Variants in TIAM1 observed in about 807,000 individuals in gnomAD.
The protein encoded by TIAM1 is rho guanine nucleotide exchange factor TIAM1.
TIAM1 carries 65 observed loss-of-function variants against 163.5 expected under a neutral mutation model. The ratio of observed to expected loss-of-function variants is 0.40; its 90% CI spans 0.33 to 0.49. The LOEUF (loss-of-function observed/expected upper bound fraction) is 0.49, where lower values mean the gene tolerates loss of function less well. Among genes scored for constraint, TIAM1 ranks in the 20% least tolerant of loss-of-function variants. The probability of loss-of-function intolerance (pLI) is 0.77; values close to 1 mark genes in which losing one functional copy is unlikely to be tolerated. For missense variants in TIAM1, 1,789 were observed against 2,044.7 expected, an observed-to-expected ratio of 0.87 and a Z score of 2.41; for synonymous variants, 833 against 810.1, an observed-to-expected ratio of 1.03 and a Z score of -0.48.
intron 16 of TIAM1, among the ~76,000 whole-genome samples, chr21:31,159,301 T>C (rs976853661): frequency 6.6e-6 from 1 of 152,100 alleles, no homozygotes; most frequent in Non-Finnish European, 1.5e-5. Context: ...TCAATGTTTA[T>C]AATGCTGCTT....
intron 2 of TIAM1, among the ~76,000 whole-genome samples, chr21:31,379,679 G>A (rs2076745371): frequency 6.6e-6 from 1 of 152,126 alleles, no homozygotes; most frequent in Non-Finnish European, 1.5e-5. Flanking sequence ...ATACAATAGA[G>A]TATTACACAG....
At chr21:31,387,848 A>G (rs73356870) in intron 2 of TIAM1, among the ~76,000 whole-genome samples, 1,858 of 152,134 alleles carry the variant, frequency 0.012, 27 homozygotes, top group African/African-American at 0.042. Context: ...GGGCAGGTGC[A>G]TGGAGTGAAG....
At chr21:31,388,845 C>T (rs1189432122) in intron 2 of TIAM1, among the ~76,000 whole-genome samples, 1 of 152,160 alleles carries the variant, frequency 6.6e-6, no homozygotes, top group Non-Finnish European at 1.5e-5. Context: ...AAAGCATTAC[C>T]TATCACTATA....
At chr21:31,509,426 C>G (rs1376848229) in intron 1 of TIAM1, among the ~76,000 whole-genome samples, 1 of 152,246 alleles carries the variant, frequency 6.6e-6, no homozygotes, top group Non-Finnish European at 1.5e-5. Context: ...AGCACCAAGT[C>G]ACCTGCCTGG....
intron 2 of TIAM1, among the ~76,000 whole-genome samples, chr21:31,437,163 T>C (rs2044237601): frequency 6.6e-6 from 1 of 152,184 alleles, no homozygotes; most frequent in Non-Finnish European, 1.5e-5. Flanking sequence ...ATATCAAAGT[T>C]AAGCTCATAT....
chr21:31,344,774 GAAT>G (rs1410314668), upstream of TIAM1, among the ~76,000 whole-genome samples: 4 of 152,094 alleles, frequency 2.6e-5, no homozygotes, highest in African/African-American at 9.7e-5. Context: ...TATTTGAAAA[GAAT>G]ATAATGAACA....
At chr21:31,247,982 C>T (rs931176624) in intron 5 of TIAM1, among the ~76,000 whole-genome samples, 2 of 152,150 alleles carry the variant, frequency 1.3e-5, no homozygotes, top group Non-Finnish European at 2.9e-5. Flanking sequence ...TGTCTGGTGA[C>T]CTTTCTGGTT....
At chr21:31,520,446 G>A (rs144514696) in intron 1 of TIAM1, among the ~76,000 whole-genome samples, 17 of 152,124 alleles carry the variant, frequency 1.1e-4, no homozygotes, top group Admixed American at 2.6e-4. Flanking sequence ...TTTTGAGTGC[G>A]GTTTTACTTT....
intron 2 of TIAM1, among the ~76,000 whole-genome samples, chr21:31,394,386 T>A (rs890560063): frequency 6.6e-6 from 1 of 152,122 alleles, no homozygotes; most frequent in South Asian, 2.1e-4. Flanking sequence ...AAAAGATTTT[T>A]AGGGCAGTGA....
chr21:31,188,019 G>A (rs2186327), intron 13 of TIAM1, among the ~76,000 whole-genome samples: 4 of 151,820 alleles, frequency 2.6e-5, no homozygotes, highest in Admixed American at 6.6e-5. Flanking sequence ...GATACCCATC[G>A]TAATGCTGAG....
At chr21:31,315,252 C>T (rs961622272) in intron 2 of TIAM1, among the ~76,000 whole-genome samples, 1 of 152,054 alleles carries the variant, frequency 6.6e-6, no homozygotes, top group Non-Finnish European at 1.5e-5. Flanking sequence ...CAGTGGCTCA[C>T]GCCTGTAATC....
chr21:31,411,471 C>CTTTT (rs11362012), intron 2 of TIAM1, among the ~76,000 whole-genome samples: 110 of 102,692 alleles, frequency 1.1e-3, no homozygotes, highest in African/African-American at 3.5e-3. Context: ...TCCCAAGAAA[C>CTTTT]TTTTTTTTTT....
chr21:31,159,437 A>C (rs2083791402), intron 16 of TIAM1, among the ~76,000 whole-genome samples: 2 of 152,150 alleles, frequency 1.3e-5, no homozygotes, highest in Non-Finnish European at 2.9e-5. Flanking sequence ...GCAATTTCTA[A>C]CTCTAGATGA....
At chr21:31,429,885 T>C (rs1602258291) in intron 2 of TIAM1, among the ~76,000 whole-genome samples, 1 of 152,188 alleles carries the variant, frequency 6.6e-6, no homozygotes, top group East Asian at 1.9e-4. Context: ...GAGACAACAG[T>C]CTTCCACAGA....
chr21:31,244,099 T>C (rs2071368479), intron 6 of TIAM1, among the ~76,000 whole-genome samples: 1 of 152,202 alleles, frequency 6.6e-6, no homozygotes, highest in Non-Finnish European at 1.5e-5. Flanking sequence ...ACTTATGTTG[T>C]GTGCACTCTT....
intron 2 of TIAM1, among the ~76,000 whole-genome samples, chr21:31,322,215 C>T (rs2075339120): frequency 6.6e-6 from 1 of 152,160 alleles, no homozygotes; most frequent in Admixed American, 6.5e-5. Context: ...CTAAGAATAT[C>T]ATATGCAAAA....
At chr21:31,164,891 T>A (rs541464932) in intron 16 of TIAM1, 71 bp downstream of exon 16, 1 of 1,474,966 alleles carries the variant, frequency 6.8e-7, no homozygotes, top group Admixed American at 1.7e-5. Flanking sequence ...CATACAGCTG[T>A]GTAGGTGACA....
At chr21:31,339,876 A>G (rs1421759950) in intron 1 of TIAM1, among the ~76,000 whole-genome samples, 1 of 152,178 alleles carries the variant, frequency 6.6e-6, no homozygotes, top group Non-Finnish European at 1.5e-5. Context: ...GCATCAAAAT[A>G]AACTGGAGAA....
At chr21:31,337,313 C>T (rs1940083533) in intron 2 of TIAM1, among the ~76,000 whole-genome samples, 1 of 151,778 alleles carries the variant, frequency 6.6e-6, no homozygotes, top group Non-Finnish European at 1.5e-5. Flanking sequence ...CTAGGGATGC[C>T]CTGGGGGTAT....
Sources: gnomAD v4.1 joint callset for allele counts (sites outside exome capture counted in the v4.1 genomes callset) on GRCh38, gnomAD v4.1.1 for gene constraint, MANE v1.5 for transcripts, NCBI Gene and HGNC (gene_info 2026-07-23, HGNC 2026-07-21) for gene names.